The following MYOCOS variants were observed in gnomAD, a reference collection of about 807,000 sequenced individuals.
The protein encoded by MYOCOS is myocilin opposite strand protein.
intron 1 of MYOCOS, among the ~76,000 whole-genome samples, chr1:171,606,605 A>G (rs1652247296): frequency 6.6e-6 from 1 of 152,230 alleles, no homozygotes; most frequent in Admixed American, 6.5e-5. Flanking sequence ...TCTGACTACC[A>G]GTGCACGAAA....
At chr1:171,612,588 G>A (rs1652376103) in intron 1 of MYOCOS, among the ~76,000 whole-genome samples, 2 of 151,928 alleles carry the variant, frequency 1.3e-5, no homozygotes, top group East Asian at 2.0e-4. Context: ...CACTTTGGGA[G>A]GCCGAGGTGG....
At chr1:171,602,526 C>T (rs1652162789) in intron 1 of MYOCOS, among the ~76,000 whole-genome samples, 2 of 152,108 alleles carry the variant, frequency 1.3e-5, no homozygotes, top group African/African-American at 2.4e-5. Context: ...GTGAACTAGA[C>T]ATTAAAGTAA....
At chr1:171,606,707 T>C (rs1572201626) in intron 1 of MYOCOS, among the ~76,000 whole-genome samples, 1 of 152,122 alleles carries the variant, frequency 6.6e-6, no homozygotes, top group East Asian at 1.9e-4. Flanking sequence ...GGACAGAAAT[T>C]GTGCACTCGA....
upstream of MYOCOS, among the ~76,000 whole-genome samples, chr1:171,619,949 C>T (rs955253646): frequency 6.6e-6 from 1 of 151,058 alleles, no homozygotes; most frequent in African/African-American, 2.4e-5. Context: ...GCCCCTCCAA[C>T]ATCAGACTCC....
At chr1:171,624,643 G>A (rs1165172876) in intron 2 of MYOCOS, among the ~76,000 whole-genome samples, 10 of 151,980 alleles carry the variant, frequency 6.6e-5, no homozygotes, top group African/African-American at 2.4e-4. Flanking sequence ...GTAGAGACGG[G>A]GTTTCACCAT....
At chr1:171,618,993 A>G (rs1652504013), upstream of MYOCOS, among the ~76,000 whole-genome samples, 2 of 152,220 alleles carry the variant, frequency 1.3e-5, no homozygotes, top group African/African-American at 4.8e-5. Context: ...TTTTTCAAGT[A>G]AGAATCTAAG....
chr1:171,621,938 T>C (rs897400055), upstream of MYOCOS, among the ~76,000 whole-genome samples: 5 of 152,176 alleles, frequency 3.3e-5, no homozygotes, highest in Admixed American at 6.5e-5. Context: ...ACAACTGCCC[T>C]AGAAGATACT....
intron 1 of MYOCOS, among the ~76,000 whole-genome samples, chr1:171,607,728 A>C (rs1319542814): frequency 1.3e-5 from 2 of 152,226 alleles, no homozygotes; most frequent in African/African-American, 4.8e-5. Context: ...TTAAGGCAGC[A>C]TGATATTCCT....
chr1:171,624,953 A>G (rs1275183954), intron 2 of MYOCOS, among the ~76,000 whole-genome samples: 1 of 152,150 alleles, frequency 6.6e-6, no homozygotes, highest in African/African-American at 2.4e-5. Context: ...ATCTTACTAA[A>G]TCTGATAAGA....
intron 1 of MYOCOS, among the ~76,000 whole-genome samples, chr1:171,603,610 A>G (rs900654089): frequency 6.6e-6 from 1 of 152,248 alleles, no homozygotes; most frequent in Non-Finnish European, 1.5e-5. Context: ...ACCAACAGCA[A>G]TGAGCTTTTC....
rs1572206411 is a variant in MYOCOS at position 171,623,218 on chromosome 1, G to A, written c.-43-623G>A. On this transcript the variant is annotated intron_variant, in intron 1 of 2. Coordinates refer to ENST00000637642, the MANE Select transcript of MYOCOS (RefSeq NM_001391940.1). ...TTTCAAAAAGAAAAGGGGGTGGGGG[G>A]CAACAAAGTAAAAGGACATCCCAAG... 2.0e-5 allele frequency among the ~76,000 whole-genome samples: 3 copies of A among 152,132 alleles called. No individual in the cohort carries two copies. In the South Asian group the frequency reaches 6.2e-4, roughly 32 times the overall value.
chr1:171,605,396 A>ACACACACACACACACAC (rs1415539776), intron 1 of MYOCOS, among the ~76,000 whole-genome samples: 20 of 120,816 alleles, frequency 1.7e-4, no homozygotes, highest in South Asian at 5.2e-4. Context: ...CACACACACA[A>ACACACACACACACACAC]AAAAAAAAAA....
intron 1 of MYOCOS, among the ~76,000 whole-genome samples, chr1:171,613,448 T>C (rs1652387973): frequency 6.6e-6 from 1 of 152,204 alleles, no homozygotes; most frequent in Admixed American, 6.5e-5. Flanking sequence ...GTTTTGAGGT[T>C]TCCAAGTATG....
intron 1 of MYOCOS, among the ~76,000 whole-genome samples, chr1:171,622,937 G>A (rs1652603153): frequency 6.6e-6 from 1 of 152,124 alleles, no homozygotes; most frequent in African/African-American, 2.4e-5. Context: ...CAAATAAGAT[G>A]AAGCAAAAGG....
At chr1:171,601,924 T>G (rs538694526) in intron 1 of MYOCOS, among the ~76,000 whole-genome samples, 2 of 152,272 alleles carry the variant, frequency 1.3e-5, no homozygotes, top group East Asian at 1.9e-4. Context: ...ATCCCAAACT[T>G]ACAAGGTTTT....
chr1:171,616,044 C>T (rs1473816743), intron 2 of MYOCOS, among the ~76,000 whole-genome samples: 1 of 148,394 alleles, frequency 6.7e-6, no homozygotes, highest in Non-Finnish European at 1.5e-5. Flanking sequence ...GTGGTGAAAC[C>T]TGTCTCTACT....
intron 1 of MYOCOS, among the ~76,000 whole-genome samples, chr1:171,623,487 A>G (rs555089082): frequency 1.3e-5 from 2 of 152,236 alleles, no homozygotes; most frequent in East Asian, 1.9e-4. Flanking sequence ...CCAGCATGAG[A>G]CAGGGCTGCC....
chr1:171,623,330 G>A (rs1652612305), intron 1 of MYOCOS, among the ~76,000 whole-genome samples: 1 of 152,192 alleles, frequency 6.6e-6, no homozygotes, highest in Admixed American at 6.5e-5. Context: ...TGGACAAGTA[G>A]CATGGCTCCC....
intron 1 of MYOCOS, among the ~76,000 whole-genome samples, chr1:171,608,716 C>T (rs903166288): frequency 2.6e-5 from 4 of 151,962 alleles, no homozygotes; most frequent in East Asian, 1.9e-4. Flanking sequence ...CCACCACGCC[C>T]GGCTAGGGAA....
Sources: allele counts gnomAD v4.1 joint callset (sites outside exome capture counted in the v4.1 genomes callset), GRCh38; gene constraint gnomAD v4.1.1; transcripts MANE v1.5; gene names NCBI Gene and HGNC (gene_info 2026-07-23, HGNC 2026-07-21).